Variants in EFNA5 observed in about 807,000 individuals in gnomAD.
EFNA5 encodes the protein ephrin-A5.
In EFNA5, 5 loss-of-function variants were observed where a neutral mutation model predicts 22.9. The observed-to-expected ratio is 0.22, with a 90% confidence interval of 0.11 to 0.46. The LOEUF is 0.46. Among genes scored for constraint, EFNA5 ranks in the 20% least tolerant of loss-of-function variants. The probability of loss-of-function intolerance (pLI) is 0.99; values close to 1 mark genes in which losing one functional copy is unlikely to be tolerated. For synonymous variants in EFNA5, 113 were observed against 112.2 expected, an observed-to-expected ratio of 1.01 and a Z score of -0.04; for missense variants, 237 against 293.3, an observed-to-expected ratio of 0.81 and a Z score of 1.40.
chr5:107,378,481 C>A lies in EFNA5; in HGVS notation c.*2774G>T, dbSNP rs1434665334. On this transcript the variant is annotated 3_prime_UTR_variant, in exon 5 of 5. Coordinates refer to ENST00000333274, the MANE Select transcript of EFNA5 (RefSeq NM_001962.3). ...AGCTTCTAAAAGTTGCATCAACATCCTCCTAAGCCCCCAGAGGATTGTAAC... is the reference window on the plus strand; with the variant it reads ...AGCTTCTAAAAGTTGCATCAACATCATCCTAAGCCCCCAGAGGATTGTAAC... 3 of 152,072 alleles carry A rather than the reference C, an allele frequency of 2.0e-5. No individual in the cohort carries two copies. Among genetic ancestry groups the A allele is most frequent in the Admixed American group, 2.0e-4 (3 of 15,264 alleles). 9.4% of individuals were successfully genotyped at this position (152,072 alleles called of 1,614,324 possible).
intron 1 of EFNA5, among the ~76,000 whole-genome samples, chr5:107,465,440 T>C (rs1423559905): frequency 6.6e-6 from 1 of 152,116 alleles, no homozygotes; most frequent in Non-Finnish European, 1.5e-5. Context: ...GCTCATAACA[T>C]GGCAGAACAC....
At chr5:107,563,357 G>A (rs769949479) in intron 1 of EFNA5, among the ~76,000 whole-genome samples, 2 of 152,096 alleles carry the variant, frequency 1.3e-5, no homozygotes, top group Non-Finnish European at 2.9e-5. Flanking sequence ...GTTCCCTCCT[G>A]TGGTCAGATG....
intron 1 of EFNA5, among the ~76,000 whole-genome samples, chr5:107,494,249 C>CGTGAGGT: frequency 1.3e-5 from 2 of 151,830 alleles, no homozygotes; most frequent in Middle Eastern, 3.4e-3. Flanking sequence ...GGTGTGGAGG[C>CGTGAGGT]GGAGGCGTGA....
chr5:107,664,712 G>A (rs1751033068), intron 1 of EFNA5, among the ~76,000 whole-genome samples: 1 of 152,098 alleles, frequency 6.6e-6, no homozygotes, highest in South Asian at 2.1e-4. Context: ...TCAGAAAGCG[G>A]ATCTGACTGA....
chr5:107,381,262 G>A lies in EFNA5; in HGVS notation c.680C>T (p.Thr227Ile), dbSNP rs767938203. ...TGATGGGAGGAGACTGTGCTATAAT[G>A]TCAAAAGCATCGCCAGGAGGAACAG... is the stretch of plus-strand genomic sequence containing the variant. The part of the protein sequence containing the change: ...ILLFLLAMLL[T>I]L Residue 227 changes from threonine to isoleucine, a missense_variant, in exon 5 of 5, where the codon ACA (threonine) becomes ATA (isoleucine). Around this residue, in one of 3 missense-constraint regions of EFNA5, gnomAD observed 104 missense variants for 114.5 expected, o/e 0.91. Transcript: ENST00000333274. 1 of 1,613,846 alleles carries A rather than the reference G, an allele frequency of 6.2e-7. No individual in the cohort carries two copies. The highest frequency in any genetic ancestry group is 8.5e-7 in the Non-Finnish European group (1 of 1,179,772).
At position 107,384,483 on chromosome 5, in the gene EFNA5, T is replaced by C. The variant is rs148662082; in HGVS notation, c.565+2752A>G. Reference sequence around the variant, plus strand: ...GGTGAATTAGTACACATCGCTGAGATCATGCAGTGGAATCCTTTCAGACTT... The same window carrying C: ...GGTGAATTAGTACACATCGCTGAGACCATGCAGTGGAATCCTTTCAGACTT... On this transcript the variant is annotated intron_variant, in intron 4 of 4. Coordinates refer to ENST00000333274, the MANE Select transcript of EFNA5 (RefSeq NM_001962.3). Among the ~76,000 whole-genome samples, 12 of 152,282 alleles carry C rather than the reference T, an allele frequency of 7.9e-5. No individual in the cohort carries two copies. In the East Asian group the frequency reaches 2.3e-3, roughly 29 times the overall value.
rs1322821019 is a variant in EFNA5 at position 107,377,515 on chromosome 5, A to C, written c.*3740T>G. 6.6e-6 allele frequency: 1 copy of C among 152,234 alleles called. No homozygotes were observed. The highest frequency in any genetic ancestry group is 1.9e-4 in the East Asian group (1 of 5,200). The allele number at this position is 152,234 out of a possible 1,614,324, so 9.4% of individuals were successfully genotyped here. On this transcript the variant is annotated 3_prime_UTR_variant, in exon 5 of 5. Coordinates refer to ENST00000333274, the MANE Select transcript of EFNA5 (RefSeq NM_001962.3). ...GCAATGAATGGAAAGGAGGAGTTGA[A>C]AACTGTTTTTCTAATTATTTGAAAA... is the stretch of plus-strand genomic sequence containing the variant.
intron 1 of EFNA5, among the ~76,000 whole-genome samples, chr5:107,527,341 C>T (rs1247484252): frequency 6.7e-6 from 1 of 149,230 alleles, no homozygotes; most frequent in African/African-American, 2.5e-5. Context: ...AGCTGGAATA[C>T]AGTGGCGCAA....
intron 1 of EFNA5, among the ~76,000 whole-genome samples, chr5:107,544,910 T>C (rs1748116565): frequency 6.6e-6 from 1 of 152,222 alleles, no homozygotes; most frequent in African/African-American, 2.4e-5. Context: ...ACTACCATCA[T>C]CTCTGATCAT....
intron 1 of EFNA5, among the ~76,000 whole-genome samples, chr5:107,539,492 TC>T (rs1248676604): frequency 6.6e-6 from 1 of 152,206 alleles, no homozygotes; most frequent in East Asian, 1.9e-4. Flanking sequence ...AAAGTCTTGC[TC>T]TTTTGCCCAG....
chr5:107,663,090 C>A (rs1440686791), intron 1 of EFNA5, among the ~76,000 whole-genome samples: 2 of 151,972 alleles, frequency 1.3e-5, no homozygotes, highest in Admixed American at 6.6e-5. Context: ...TAAGATAGCG[C>A]TTTAAATGTA....
intron 1 of EFNA5, among the ~76,000 whole-genome samples, chr5:107,588,843 CTA>C (rs1446790480): frequency 6.6e-6 from 1 of 152,292 alleles, no homozygotes; most frequent in East Asian, 1.9e-4. Flanking sequence ...AACAAATGTT[CTA>C]TCTTTTGCAC....
At chr5:107,548,979 C>A (rs139360597) in intron 1 of EFNA5, among the ~76,000 whole-genome samples, 162 of 152,306 alleles carry the variant, frequency 1.1e-3, no homozygotes, top group African/African-American at 3.8e-3. Context: ...TACACTTACA[C>A]ATACACATTT....
chr5:107,553,691 T>C (rs897391298), intron 1 of EFNA5, among the ~76,000 whole-genome samples: 1 of 152,244 alleles, frequency 6.6e-6, no homozygotes, highest in Non-Finnish European at 1.5e-5. Context: ...TCTTCTTGCA[T>C]ATCCAATGGG....
intron 1 of EFNA5, among the ~76,000 whole-genome samples, chr5:107,563,221 A>G (rs1238697736): frequency 6.6e-6 from 1 of 152,154 alleles, no homozygotes; most frequent in African/African-American, 2.4e-5. Context: ...CTATTTTTGA[A>G]TAATTCCACA....
In EFNA5 at chr5:107,670,776, C is replaced by T. The variant is rs995887394; in HGVS notation, c.-163G>A. On this transcript the variant is annotated 5_prime_UTR_variant, in exon 1 of 5. Coordinates refer to ENST00000333274, the MANE Select transcript of EFNA5 (RefSeq NM_001962.3). ...AGAAAGGAAAGAGGCGCCCACCAAG[C>T]TGGGGAGGGGTAGGAGAGCGAGAAG... The T allele has an allele frequency of 6.2e-6, 6 of 962,746 alleles. No homozygotes were observed. In the Admixed American group the frequency reaches 1.7e-4, roughly 27 times the overall value. The allele number at this position is 962,746 out of a possible 1,614,324, so 59.6% of individuals were successfully genotyped here. A position where few individuals can be genotyped will look rare whatever the true frequency, so the allele number is the denominator to read the frequency against.
chr5:107,480,372 A>G (rs1220148462), intron 1 of EFNA5, among the ~76,000 whole-genome samples: 1 of 152,258 alleles, frequency 6.6e-6, no homozygotes, highest in East Asian at 1.9e-4. Flanking sequence ...GAAGGGGTAC[A>G]AAGATGTATC....
intron 1 of EFNA5, among the ~76,000 whole-genome samples, chr5:107,636,723 CA>C (rs1396749389): frequency 6.6e-6 from 1 of 152,158 alleles, no homozygotes; most frequent in Non-Finnish European, 1.5e-5. Flanking sequence ...TCTTGCATAA[CA>C]CTTCCTCTAT....
intron 2 of EFNA5, among the ~76,000 whole-genome samples, chr5:107,415,127 C>T (rs900881984): frequency 6.6e-6 from 1 of 151,922 alleles, no homozygotes; most frequent in African/African-American, 2.4e-5. Context: ...TTTGTAAAAT[C>T]GGAACAATAA....
Sources: gnomAD v4.1 joint callset for allele counts (sites outside exome capture counted in the v4.1 genomes callset) on GRCh38, gnomAD v4.1.1 for gene constraint, gnomAD v4.1.1 regional missense constraint, MANE v1.5 for transcripts, NCBI Gene and HGNC (gene_info 2026-07-23, HGNC 2026-07-21) for gene names.